TEP1: variants seen among roughly 807,000 people sequenced by gnomAD.
TEP1 encodes telomerase protein component 1.
Under a neutral mutation model 306.3 loss-of-function variants are expected in TEP1, and 241 were observed. That is an observed-to-expected ratio of 0.79 (90% CI 0.71 to 0.88). The LOEUF is 0.88. TEP1 is among the 40% of genes least tolerant of loss of function. The pLI, the probability that TEP1 is intolerant of heterozygous loss-of-function variation, is 0.00. For missense variants in TEP1, 3,051 were observed against 3,276.1 expected, an observed-to-expected ratio of 0.93 and a Z score of 1.68; for synonymous variants, 1,289 against 1,305.5, an observed-to-expected ratio of 0.99 and a Z score of 0.27.
At chr14:20,404,806 T>C (rs1320068209) in intron 4 of TEP1, 34 bp from the exon 5 acceptor site, 1 of 1,571,294 alleles carries the variant, frequency 6.4e-7, no homozygotes, top group East Asian at 2.3e-5. Flanking sequence ...AGAATCTCAG[T>C]CACTCCTCCC....
Position 20,380,914 on chromosome 14 carries a change from C to A in TEP1, c.4762+17G>T. On this transcript the variant is annotated intron_variant, in intron 33 of 54. Coordinates refer to ENST00000262715, the MANE Select transcript of TEP1 (RefSeq NM_007110.5). ...TCCCATATCTCAGAGAAGAACCCAG[C>A]CAGTGACTCATCTCACCATAGAGGG... 2 of 1,603,914 alleles carry A rather than the reference C, an allele frequency of 1.2e-6. No individual in the cohort carries two copies. Among genetic ancestry groups the A allele is most frequent in the Non-Finnish European group, 1.7e-6 (2 of 1,170,884 alleles).
In TEP1 at chr14:20,398,333, G is replaced by A. The variant is rs1014917956; in HGVS notation, c.1550-1603C>T. Among the ~76,000 whole-genome samples the A allele has an allele frequency of 8.7e-5, 13 of 148,804 alleles. 1 individual carries two copies. The highest frequency in any genetic ancestry group is 2.7e-4 in the Admixed American group (4 of 14,872). On this transcript the variant is annotated intron_variant, in intron 9 of 54. Transcript: ENST00000262715. ...GCGGAGGTTGAAGTGAGCCGAGGTC[G>A]CGCCATTGCACTCCAGCCTGGGCAT...
At chr14:20,409,139 T>C (rs1394515177) in intron 1 of TEP1, among the ~76,000 whole-genome samples, 2 of 152,218 alleles carry the variant, frequency 1.3e-5, no homozygotes, top group Non-Finnish European at 2.9e-5. Flanking sequence ...AACTTTTTCT[T>C]ACTCCCATAA....
At chr14:20,378,701 A>G in intron 37 of TEP1, 53 bp downstream of exon 37, 1 of 1,596,896 alleles carries the variant, frequency 6.3e-7, no homozygotes, top group Non-Finnish European at 8.6e-7. Flanking sequence ...CAAATTCACG[A>G]GGGTGAGTCA....
Position 20,389,221 on chromosome 14 carries a change from A to T in TEP1, c.2525+17T>A. 6.2e-7 allele frequency: 1 copy of T among 1,612,596 alleles called. No homozygotes were observed. The highest frequency in any genetic ancestry group is 8.5e-7 in the Non-Finnish European group (1 of 1,178,654). Reference sequence around the variant, plus strand: ...CCAACAAAGTATCCAACCCTTCAGTATCCATTCTGTACTCACTTCAGTATC... The same window carrying T: ...CCAACAAAGTATCCAACCCTTCAGTTTCCATTCTGTACTCACTTCAGTATC... On this transcript the variant is annotated intron_variant, in intron 17 of 54. Coordinates refer to ENST00000262715, the MANE Select transcript of TEP1 (RefSeq NM_007110.5).
chr14:20,382,491 G>A (rs966167217), intron 28 of TEP1, 132 bp downstream of exon 28: 3 of 1,527,250 alleles, frequency 2.0e-6, no homozygotes, highest in Non-Finnish European at 2.7e-6. Context: ...AGGGAAGTGA[G>A]GCGAGGTATG....
intron 9 of TEP1, 131 bp downstream of exon 9, chr14:20,400,853 A>T: frequency 9.0e-7 from 1 of 1,114,566 alleles, no homozygotes; most frequent in Non-Finnish European, 1.3e-6. Context: ...GGCAGACCTT[A>T]TAAATCAAAT....
rs764766485 is a variant in TEP1 at position 20,383,915 on chromosome 14, A to T, written c.3538T>A (p.Ser1180Thr). The change falls in exon 25 of 55, where the codon TCT becomes ACT. Residue 1180 changes from serine to threonine, a missense_variant. Physicochemically the swap from Ser to Thr is moderately conservative, Grantham distance 58. Coordinates refer to ENST00000262715, the MANE Select transcript of TEP1 (RefSeq NM_007110.5). ...SGQGKTAFLA[S>T]LVSALQAPDG... ...GGAGCCTGCAGGGCTGACACAAGAG[A>T]TGCCTGCATGGGACAGGAACAGAAA... The T allele has an allele frequency of 5.6e-6, 9 of 1,598,994 alleles. No homozygotes were observed. The East Asian group carries it at 1.8e-4, about 32-fold the overall frequency.
intron 1 of TEP1, among the ~76,000 whole-genome samples, chr14:20,410,871 G>C (rs1351009213): frequency 6.9e-6 from 1 of 144,104 alleles, no homozygotes; most frequent in Non-Finnish European, 1.5e-5. Context: ...TTGCTGGCTG[G>C]AGTGCAGTCG....
intron 2 of TEP1, among the ~76,000 whole-genome samples, chr14:20,407,060 C>T (rs551887806): frequency 1.3e-4 from 20 of 152,336 alleles, no homozygotes; most frequent in Non-Finnish European, 2.8e-4. Context: ...TTCAGATTAG[C>T]CTTGTCCCTC....
At chr14:20,368,764 G>GCA (rs112024184) in intron 54 of TEP1, 34 bp downstream of exon 54, 121,311 of 1,323,802 alleles carry the variant, frequency 0.092, 962 homozygotes, top group Middle Eastern at 0.13. Flanking sequence ...GCAGGCGCAC[G>GCA]CACACACACA....
intron 15 of TEP1, 73 bp downstream of exon 15, chr14:20,390,608 C>T (rs2139110470): frequency 1.4e-6 from 2 of 1,473,214 alleles, no homozygotes; most frequent in East Asian, 2.3e-5. Context: ...CTCTAAAGGT[C>T]AAGAAATGAA....
chr14:20,366,525 G>A lies in TEP1; in HGVS notation c.*1912C>T, dbSNP rs976990655. The A allele has an allele frequency of 6.6e-6, 1 of 152,212 alleles. No homozygotes were observed. The highest frequency in any genetic ancestry group is 2.4e-5 in the African/African-American group (1 of 41,456). 9.4% of individuals were successfully genotyped at this position (152,212 alleles called of 1,614,324 possible). On this transcript the variant is annotated 3_prime_UTR_variant, in exon 55 of 55. Transcript: ENST00000262715. ...TCGAGGCTTGGCATGAGGCACATAA[G>A]AGAAGACAGAAGCATGGCCTATCAG...
At chr14:20,389,498 C>T (rs917657429) in intron 16 of TEP1, 112 bp downstream of exon 16, 7 of 1,533,870 alleles carry the variant, frequency 4.6e-6, no homozygotes, top group Non-Finnish European at 5.3e-6. Context: ...GGTAAGAAGG[C>T]AGAGTTGGGG....
intron 9 of TEP1, among the ~76,000 whole-genome samples, chr14:20,398,161 T>C (rs919035650): frequency 6.6e-6 from 1 of 151,898 alleles, no homozygotes; most frequent in Non-Finnish European, 1.5e-5. Flanking sequence ...AGGCGGATCA[T>C]GAGGTCAGGA....
Position 20,411,050 on chromosome 14 carries a change from G to A in TEP1, c.-25+2355C>T, listed in dbSNP as rs1185570761. On this transcript the variant is annotated intron_variant, in intron 1 of 54. Coordinates refer to ENST00000262715, the MANE Select transcript of TEP1 (RefSeq NM_007110.5). Reference sequence around the variant, plus strand: ...TTCATCAGGATGGTCTCAATCTCCCGACCTCATGATCCACCCACCTCAGCC... The same window carrying A: ...TTCATCAGGATGGTCTCAATCTCCCAACCTCATGATCCACCCACCTCAGCC... 5.9e-5 allele frequency among the ~76,000 whole-genome samples: 9 copies of A among 151,876 alleles called. 1 individual carries two copies. The South Asian group carries it at 1.5e-3, about 25-fold the overall frequency.
Position 20,375,983 on chromosome 14 carries a change from C to T in TEP1, c.6250-115G>A. 2.7e-6 allele frequency: 4 copies of T among 1,481,424 alleles called. No individual in the cohort carries two copies. The African/African-American group carries it at 4.2e-5, about 15-fold the overall frequency. 91.8% of individuals were successfully genotyped at this position (1,481,424 alleles called of 1,614,324 possible). On this transcript the variant is annotated intron_variant, in intron 42 of 54. Transcript: ENST00000262715. ...AGGGGCACAAGGAAGCACAGGCAGA[C>T]AGATCTATACTAGATTTGGCAAAAC...
chr14:20,379,130 A>G, intron 35 of TEP1, 25 bp from the exon 36 acceptor site: 3 of 1,612,082 alleles, frequency 1.9e-6, no homozygotes, highest in Non-Finnish European at 2.5e-6. Flanking sequence ...GAGGGAGCGC[A>G]GCTCAGGCCA....
intron 7 of TEP1, 96 bp downstream of exon 7, chr14:20,403,281 A>G (rs1414156284): frequency 6.8e-7 from 1 of 1,470,030 alleles, no homozygotes; most frequent in Non-Finnish European, 9.3e-7. Flanking sequence ...ATCCCCAGGA[A>G]GAAAGTATTT....
Sources: gnomAD v4.1 joint callset for allele counts (sites outside exome capture counted in the v4.1 genomes callset) on GRCh38, gnomAD v4.1.1 for gene constraint, MANE v1.5 for transcripts, NCBI Gene and HGNC (gene_info 2026-07-23, HGNC 2026-07-21) for gene names.